Variants in DPYD observed in about 807,000 individuals in gnomAD.
DPYD encodes dihydropyrimidine dehydrogenase, also known as dihydropyrimidine dehydrogenase [NADP(+)].
In DPYD, 109 loss-of-function variants were observed where a neutral mutation model predicts 116.2. That is an observed-to-expected ratio of 0.94 (90% CI 0.80 to 1.10). The LOEUF (loss-of-function observed/expected upper bound fraction) is 1.10. Ranked by LOEUF, DPYD falls within the 50% of genes least tolerant of loss-of-function variation. The pLI, the probability that DPYD is intolerant of heterozygous loss-of-function variation, is 0.00. For synonymous variants in DPYD, 440 were observed against 432.0 expected (o/e 1.02, Z -0.23); for missense variants, 1,302 against 1,254.5 (o/e 1.04, Z -0.57).
chr1:97,310,077 A>C lies in DPYD; in HGVS notation c.2059-3780T>G, dbSNP rs79600079. Among the ~76,000 whole-genome samples the C allele has an allele frequency of 6.8e-3, 1,033 of 151,870 alleles. 5 individuals are homozygous for C. The highest frequency in any genetic ancestry group is 0.017 in the East Asian group (88 of 5,122). ...ACAAGTGAAATTTTGACTTGAAGAA[A>C]CATTTCTCTCCCATTTACCTAGTAA... On this transcript the variant is annotated intron_variant, in intron 16 of 22. Transcript: ENST00000370192.
At chr1:97,632,267 C>T (rs1657308794) in intron 8 of DPYD, among the ~76,000 whole-genome samples, 1 of 152,062 alleles carries the variant, frequency 6.6e-6, no homozygotes, top group Non-Finnish European at 1.5e-5. Context: ...GCTGAAGTCG[C>T]ACATGCTATA....
At chr1:97,292,067 A>G (rs1666221891) in intron 18 of DPYD, among the ~76,000 whole-genome samples, 2 of 152,162 alleles carry the variant, frequency 1.3e-5, no homozygotes, top group Admixed American at 1.3e-4. Flanking sequence ...TGCATGTATC[A>G]GAATCCTCTG....
Position 97,335,247 on chromosome 1 carries a change from G to A in DPYD, c.2059-28950C>T, listed in dbSNP as rs1669223486. 2.0e-5 allele frequency among the ~76,000 whole-genome samples: 3 copies of A among 148,616 alleles called. No homozygotes were observed. In the Admixed American group the frequency reaches 2.0e-4, roughly 10 times the overall value. On this transcript the variant is annotated intron_variant, in intron 16 of 22. Coordinates refer to ENST00000370192, the MANE Select transcript of DPYD (RefSeq NM_000110.4). ...TCAAACTAAGCTCATCAAATTCCTG[G>A]CTTAGTTGTTCTTCACGCTGGCTAT...
At chr1:97,644,154 G>C (rs891969971) in intron 8 of DPYD, among the ~76,000 whole-genome samples, 2 of 151,924 alleles carry the variant, frequency 1.3e-5, no homozygotes, top group African/African-American at 4.8e-5. Flanking sequence ...CACTGCAATG[G>C]TTTTCTACAC....
At position 97,774,976 on chromosome 1, in the gene DPYD, G is replaced by A. The variant is rs138018242; in HGVS notation, c.234-34497C>T. ...TCACCTCACTGCATGCCAAACTGGA[G>A]TAGGGACAAAAAAAAGAAAGAAGCT... On this transcript the variant is annotated intron_variant, in intron 3 of 22. Coordinates refer to ENST00000370192, the MANE Select transcript of DPYD (RefSeq NM_000110.4). The A allele has an allele frequency of 7.5e-4, 245 of 328,640 alleles. 1 individual carries two copies. The highest frequency in any genetic ancestry group is 5.1e-3 in the African/African-American group (232 of 45,888). The allele number at this position is 328,640 out of a possible 1,614,324, so 20.4% of individuals were successfully genotyped here. A position where few individuals can be genotyped will look rare whatever the true frequency, so the allele number is the denominator to read the frequency against.
At chr1:97,875,084 T>TAA (rs746764485) in intron 2 of DPYD, among the ~76,000 whole-genome samples, 15 of 151,964 alleles carry the variant, frequency 9.9e-5, no homozygotes, top group Non-Finnish European at 2.1e-4. Context: ...ATTAAATGAA[T>TAA]GTATGTTATA....
chr1:97,259,740 C>T (rs1158039537), intron 18 of DPYD, among the ~76,000 whole-genome samples: 3 of 152,110 alleles, frequency 2.0e-5, no homozygotes, highest in Non-Finnish European at 4.4e-5. Context: ...AGTAACATCA[C>T]AAATTTTGAT....
chr1:97,437,794 G>T (rs1326412202), intron 14 of DPYD, among the ~76,000 whole-genome samples: 1 of 151,756 alleles, frequency 6.6e-6, no homozygotes, highest in Non-Finnish European at 1.5e-5. Flanking sequence ...ATTTTGGTAG[G>T]TATCTGACAA....
rs12075750 is a variant in DPYD, at chr1:97,379,707, T to C, written c.1974+2686A>G. On this transcript the variant is annotated intron_variant, in intron 15 of 22. Transcript: ENST00000370192. The stretch of plus-strand genomic sequence containing the variant: ...CCCATGCTAGCAAATCTAGCTTCCC[T>C]AGCAGCTGCCCTGAAGGGGCAGGAC... Among the ~76,000 whole-genome samples the C allele has an allele frequency of 8.0e-3, 1,216 of 152,258 alleles. 17 individuals are homozygous for C. The highest frequency in any genetic ancestry group is 0.028 in the African/African-American group (1,156 of 41,572).
At chr1:97,876,656 A>G (rs1383681687) in intron 2 of DPYD, among the ~76,000 whole-genome samples, 1 of 151,962 alleles carries the variant, frequency 6.6e-6, no homozygotes, top group Non-Finnish European at 1.5e-5. Flanking sequence ...TTTTGCTACC[A>G]TCCCTTCCCA....
In DPYD at chr1:97,482,540, T is replaced by C. The variant is rs1678380123; in HGVS notation, c.1741-32317A>G. On this transcript the variant is annotated intron_variant, in intron 13 of 22. Coordinates refer to ENST00000370192, the MANE Select transcript of DPYD (RefSeq NM_000110.4). ...AAGTAAGGGCTGAATCAGATTCAGG[T>C]ACACATGGCTAAAGAACTTGTTTGG... Among the ~76,000 whole-genome samples the C allele has an allele frequency of 2.0e-5, 3 of 152,160 alleles. No individual in the cohort carries two copies. The South Asian group carries it at 6.2e-4, about 31-fold the overall frequency.
chr1:97,860,266 C>T (rs1289387705), intron 2 of DPYD, among the ~76,000 whole-genome samples: 1 of 151,988 alleles, frequency 6.6e-6, no homozygotes, highest in Admixed American at 6.6e-5. Context: ...TCACTTGAGC[C>T]CAAGAACAAG....
chr1:97,315,592 C>G (rs1289367416), intron 16 of DPYD, among the ~76,000 whole-genome samples: 1 of 151,906 alleles, frequency 6.6e-6, no homozygotes, highest in African/African-American at 2.4e-5. Context: ...AAGAATTCTC[C>G]CTGTAAGAGG....
chr1:97,544,167 G>A (rs906145484), intron 12 of DPYD, among the ~76,000 whole-genome samples: 4 of 152,152 alleles, frequency 2.6e-5, no homozygotes, highest in African/African-American at 9.7e-5. Context: ...TTTGACAGGA[G>A]AGAAAGTGGA....
intron 2 of DPYD, among the ~76,000 whole-genome samples, chr1:97,853,524 T>C (rs1670668829): frequency 6.6e-6 from 1 of 152,220 alleles, no homozygotes; most frequent in South Asian, 2.1e-4. Flanking sequence ...TGATACATAT[T>C]ACACTACATG....
rs1471049814 is a variant in DPYD at position 97,235,924 on chromosome 1, T to C, written c.2300-930A>G. Among the ~76,000 whole-genome samples, 4 of 152,204 alleles carry C rather than the reference T, an allele frequency of 2.6e-5. No individual in the cohort carries two copies. The East Asian group carries it at 7.7e-4, about 29-fold the overall frequency. On this transcript the variant is annotated intron_variant, in intron 18 of 22. Coordinates refer to ENST00000370192, the MANE Select transcript of DPYD (RefSeq NM_000110.4). ...ACTAGAATCCAGTAATTAGAGTGTATGAATTTAATTTTTTAATATTTAATT... is the reference window on the plus strand; with the variant it reads ...ACTAGAATCCAGTAATTAGAGTGTACGAATTTAATTTTTTAATATTTAATT...
At chr1:97,626,978 A>G (rs1656969405) in intron 8 of DPYD, among the ~76,000 whole-genome samples, 1 of 151,994 alleles carries the variant, frequency 6.6e-6, no homozygotes, top group African/African-American at 2.4e-5. Context: ...GCAGAAACTC[A>G]TGTCTCATAG....
chr1:97,805,759 C>A (rs1326895012), intron 3 of DPYD, among the ~76,000 whole-genome samples: 1 of 151,472 alleles, frequency 6.6e-6, no homozygotes, highest in East Asian at 1.9e-4. Context: ...GAGAAATCAG[C>A]AAAACGTTTA....
rs186593977 is a variant in DPYD, at chr1:97,489,415, T to C, written c.1740+26311A>G. ...CAGAGGGTTCCATCCTTATTATTAC[T>C]ACATGTGATAAAACTGTCTAGACCT... On this transcript the variant is annotated intron_variant, in intron 13 of 22. Transcript: ENST00000370192. Among the ~76,000 whole-genome samples, 58 of 152,316 alleles carry C rather than the reference T, an allele frequency of 3.8e-4. 1 individual carries two copies. Among genetic ancestry groups the C allele is most frequent in the Admixed American group, 3.6e-3 (55 of 15,296 alleles).
Sources: allele counts gnomAD v4.1 joint callset (sites outside exome capture counted in the v4.1 genomes callset), GRCh38; gene constraint gnomAD v4.1.1; transcripts MANE v1.5; gene names NCBI Gene and HGNC (gene_info 2026-07-23, HGNC 2026-07-21).